Variants in FGGY observed in about 807,000 individuals in gnomAD.
The protein encoded by FGGY is FGGY carbohydrate kinase domain-containing protein.
FGGY carries 72 observed loss-of-function variants against 71.3 expected under a neutral mutation model. That is an observed-to-expected ratio of 1.01 (90% confidence interval 0.84 to 1.23). The LOEUF (loss-of-function observed/expected upper bound fraction) is 1.23. Among genes scored for constraint, FGGY ranks in the 50% most tolerant of loss-of-function variants. The probability of loss-of-function intolerance (pLI) is 0.00; values close to 1 mark genes in which losing one functional copy is unlikely to be tolerated. For synonymous variants in FGGY, 251 were observed against 250.3 expected, an observed-to-expected ratio of 1.00 and a Z score of -0.02; for missense variants, 668 against 682.3, an observed-to-expected ratio of 0.98 and a Z score of 0.23.
intron 8 of FGGY, among the ~76,000 whole-genome samples, chr1:59,587,965 G>C (rs2096342658): frequency 6.6e-6 from 1 of 152,166 alleles, no homozygotes; most frequent in Non-Finnish European, 1.5e-5. Flanking sequence ...TTGACGAGTT[G>C]AGAGAAGGCT....
At chr1:59,381,628 CGTG>C (rs1236610622) in intron 5 of FGGY, among the ~76,000 whole-genome samples, 1 of 143,206 alleles carries the variant, frequency 7.0e-6, no homozygotes, top group Non-Finnish European at 1.5e-5. Flanking sequence ...ATGTATAACT[CGTG>C]TGTGTGTGTG....
intron 14 of FGGY, among the ~76,000 whole-genome samples, chr1:59,685,669 G>A (rs2097538343): frequency 6.6e-6 from 1 of 152,156 alleles, no homozygotes; most frequent in Non-Finnish European, 1.5e-5. Flanking sequence ...AAATCAGATT[G>A]TTTTAATTCT....
upstream of FGGY, chr1:59,296,557 T>C (rs1395809888): frequency 3.9e-5 from 6 of 152,376 alleles, no homozygotes; most frequent in Non-Finnish European, 8.8e-5. Flanking sequence ...CTGCCCGCGG[T>C]TGGCTAGGCC....
intron 14 of FGGY, among the ~76,000 whole-genome samples, chr1:59,716,425 C>T (rs1158974159): frequency 6.6e-6 from 1 of 152,138 alleles, no homozygotes; most frequent in Non-Finnish European, 1.5e-5. Context: ...AGGTTGGTAT[C>T]ATTATTTTCA....
intron 5 of FGGY, among the ~76,000 whole-genome samples, chr1:59,395,413 G>A (rs986381088): frequency 4.6e-5 from 7 of 152,064 alleles, no homozygotes; most frequent in Non-Finnish European, 2.9e-5. Flanking sequence ...TGACTTTGTA[G>A]CATTTTCTTT....
At chr1:59,388,744 G>C (rs2060365693) in intron 5 of FGGY, among the ~76,000 whole-genome samples, 1 of 151,976 alleles carries the variant, frequency 6.6e-6, no homozygotes, top group Admixed American at 6.6e-5. Flanking sequence ...GATTTTTGCA[G>C]ATTACATTAC....
At chr1:59,535,902 G>C (rs371579486) in intron 7 of FGGY, among the ~76,000 whole-genome samples, 1,810 of 137,936 alleles carry the variant, frequency 0.013, 59 homozygotes, top group African/African-American at 0.042. Flanking sequence ...AATTGACACC[G>C]TAACATCACA....
Position 59,608,418 on chromosome 1 carries a change from G to A in FGGY, c.1011+508G>A, listed in dbSNP as rs538347353. On this transcript the variant is annotated intron_variant, in intron 9 of 15. Transcript: ENST00000303721. ...TATACAGGCTTCTTTCCCTGCTTGG[G>A]GAGTTCTTTACCACCTCAATAATTT... Among the ~76,000 whole-genome samples the A allele has an allele frequency of 9.2e-5, 14 of 152,170 alleles. No homozygotes were observed. In the Middle Eastern group the frequency reaches 0.01, roughly 112 times the overall value.
At chr1:59,483,311 A>G (rs1386354610) in intron 6 of FGGY, among the ~76,000 whole-genome samples, 1 of 152,192 alleles carries the variant, frequency 6.6e-6, no homozygotes, top group African/African-American at 2.4e-5. Context: ...CCAGACTAAT[A>G]TTTACTGAGT....
intron 5 of FGGY, among the ~76,000 whole-genome samples, chr1:59,422,149 C>T (rs376960509): frequency 3.3e-5 from 5 of 152,278 alleles, no homozygotes; most frequent in South Asian, 4.1e-4. Context: ...AATTTAGTGA[C>T]GATACTTGGA....
chr1:59,660,470 CTT>C, intron 12 of FGGY, 177 bp downstream of exon 12: 1 of 453,244 alleles, frequency 2.2e-6, no homozygotes, highest in Non-Finnish European at 3.9e-6. Context: ...GCCTCACCTG[CTT>C]TAACTAATAA....
At chr1:59,302,253 A>G (rs903794270) in intron 1 of FGGY, among the ~76,000 whole-genome samples, 1 of 152,162 alleles carries the variant, frequency 6.6e-6, no homozygotes, top group Non-Finnish European at 1.5e-5. Context: ...TATCAGCTAA[A>G]TACCTGACCT....
rs535658384 is a variant in FGGY, at chr1:59,633,245, C to T, written c.1074-4983C>T. Among the ~76,000 whole-genome samples, 140 of 152,226 alleles carry T rather than the reference C, an allele frequency of 9.2e-4. 1 individual carries two copies. The highest frequency in any genetic ancestry group is 5.4e-4 in the Non-Finnish European group (37 of 68,016). ...CAGGATGGTCTCGATCTCCTGACCTCGTGGTCTGCCCGCCTCGGCCTCCCA... is the reference window on the plus strand; with the variant it reads ...CAGGATGGTCTCGATCTCCTGACCTTGTGGTCTGCCCGCCTCGGCCTCCCA... On this transcript the variant is annotated intron_variant, in intron 10 of 15. Transcript: ENST00000303721.
At chr1:59,560,035 C>T (rs572454350) in intron 8 of FGGY, among the ~76,000 whole-genome samples, 10 of 151,974 alleles carry the variant, frequency 6.6e-5, no homozygotes, top group Admixed American at 1.3e-4. Context: ...GTATGGAAAA[C>T]GGGGGAAGAG....
Position 59,587,926 on chromosome 1 carries a change from A to G in FGGY, c.904-19877A>G, listed in dbSNP as rs12042345. ...CAAAGGATCGCAGTTCCTCACCAGC[A>G]ATGGAACAAAGCTGGACAGAGATTG... is the stretch of plus-strand genomic sequence containing the variant. On this transcript the variant is annotated intron_variant, in intron 8 of 15. Coordinates refer to ENST00000303721, the MANE Select transcript of FGGY (RefSeq NM_018291.5). Among the ~76,000 whole-genome samples the G allele has an allele frequency of 2.2e-4, 33 of 152,384 alleles. No homozygotes were observed. The East Asian group carries it at 6.4e-3, about 29-fold the overall frequency.
chr1:59,603,056 C>T (rs1282168454), intron 8 of FGGY, among the ~76,000 whole-genome samples: 10 of 152,088 alleles, frequency 6.6e-5, no homozygotes, highest in Admixed American at 3.9e-4. Context: ...ATATCAGACA[C>T]AAAGAGTACA....
chr1:59,612,226 A>C (rs1233116883), intron 9 of FGGY, among the ~76,000 whole-genome samples: 1 of 152,258 alleles, frequency 6.6e-6, no homozygotes, highest in Non-Finnish European at 1.5e-5. Context: ...GAAGGAAAAA[A>C]TGTTAAGGGC....
intron 5 of FGGY, among the ~76,000 whole-genome samples, chr1:59,455,361 A>G (rs2091582991): frequency 6.6e-6 from 1 of 152,228 alleles, no homozygotes; most frequent in African/African-American, 2.4e-5. Flanking sequence ...CTGTTCCAGG[A>G]AGAATGAAGC....
At chr1:59,409,556 C>T (rs1294114982) in intron 5 of FGGY, among the ~76,000 whole-genome samples, 1 of 150,926 alleles carries the variant, frequency 6.6e-6, no homozygotes, top group Admixed American at 6.6e-5. Context: ...GACTTTCATA[C>T]CTCAACTAAC....
Sources: allele counts gnomAD v4.1 joint callset (sites outside exome capture counted in the v4.1 genomes callset), GRCh38; gene constraint gnomAD v4.1.1; transcripts MANE v1.5; gene names NCBI Gene and HGNC (gene_info 2026-07-23, HGNC 2026-07-21).